The following CPNE4 variants were observed in gnomAD, a reference collection of about 807,000 sequenced individuals.
CPNE4 encodes the protein copine-4.
Under a neutral mutation model 67.9 loss-of-function variants are expected in CPNE4, and 25 were observed. The ratio of observed to expected loss-of-function variants is 0.37; its 90% CI spans 0.27 to 0.51. CPNE4 has a LOEUF of 0.51. CPNE4 is among the 20% of genes least tolerant of loss of function. The probability of loss-of-function intolerance (pLI) is 0.93; values close to 1 mark genes in which losing one functional copy is unlikely to be tolerated. For missense variants in CPNE4, 464 were observed against 690.8 expected (o/e 0.67, Z 3.68); for synonymous variants, 242 against 244.9 (o/e 0.99, Z 0.11).
At chr3:131,717,979 C>A (rs1182728093) in intron 3 of CPNE4, among the ~76,000 whole-genome samples, 1 of 143,492 alleles carries the variant, frequency 7.0e-6, no homozygotes, top group Non-Finnish European at 1.5e-5. Flanking sequence ...CTCTCTCTGT[C>A]TCTCTCTCTC....
chr3:131,555,686 T>C lies in CPNE4; in HGVS notation c.1062-135A>G. On this transcript the variant is annotated intron_variant, in intron 11 of 15. Coordinates refer to ENST00000429747, the MANE Select transcript of CPNE4 (RefSeq NM_130808.3). ...GCCAGTGCTGACTCATGCTTCTTGATTGTCTGTGGTGATGGGGGTAGCAAT... is the reference window on the plus strand; with the variant it reads ...GCCAGTGCTGACTCATGCTTCTTGACTGTCTGTGGTGATGGGGGTAGCAAT... The C allele has an allele frequency of 4.3e-6, 3 of 705,262 alleles. No individual in the cohort carries two copies. In the Admixed American group the frequency reaches 6.8e-5, roughly 16 times the overall value. 43.7% of individuals were successfully genotyped at this position (705,262 alleles called of 1,614,324 possible).
At chr3:131,798,286 C>G (rs1022160316) in intron 2 of CPNE4, among the ~76,000 whole-genome samples, 7 of 152,084 alleles carry the variant, frequency 4.6e-5, no homozygotes, top group African/African-American at 1.7e-4. Context: ...GAAATGAACA[C>G]TCTTCAGAGG....
chr3:131,564,405 A>G, intron 10 of CPNE4, 56 bp from the exon 11 acceptor site: 1 of 1,550,522 alleles, frequency 6.4e-7, no homozygotes, highest in Non-Finnish European at 8.8e-7. Flanking sequence ...TCTCCTAAGA[A>G]TTGTGATCAG....
chr3:132,028,460 A>G (rs963155583), intron 1 of CPNE4, among the ~76,000 whole-genome samples: 5 of 152,172 alleles, frequency 3.3e-5, no homozygotes, highest in African/African-American at 1.2e-4. Context: ...AAATGCTGTG[A>G]CCAATTATTA....
chr3:131,843,644 T>C (rs555715090), intron 2 of CPNE4, among the ~76,000 whole-genome samples: 1 of 152,348 alleles, frequency 6.6e-6, no homozygotes, highest in East Asian at 1.9e-4. Flanking sequence ...TTTGAAATTG[T>C]CCTAGTTCCA....
At chr3:132,036,298 T>C (rs1275217609), upstream of CPNE4, among the ~76,000 whole-genome samples, 3 of 152,134 alleles carry the variant, frequency 2.0e-5, no homozygotes, top group Admixed American at 6.5e-5. Context: ...AAGTCAATCG[T>C]TGTGACCTTT....
intron 2 of CPNE4, among the ~76,000 whole-genome samples, chr3:131,885,631 G>A (rs1245825763): frequency 6.6e-6 from 1 of 151,878 alleles, no homozygotes; most frequent in Non-Finnish European, 1.5e-5. Context: ...ATGCTGGTGT[G>A]CTGCACCCAC....
At chr3:132,006,655 A>ATTTTTTT (rs113475309) in intron 1 of CPNE4, among the ~76,000 whole-genome samples, 7 of 149,592 alleles carry the variant, frequency 4.7e-5, no homozygotes, top group African/African-American at 1.5e-4. Flanking sequence ...CTTTCTTTCC[A>ATTTTTTT]TTTTTTTTTG....
Position 131,993,575 on chromosome 3 carries a change from A to G in CPNE4, c.-2+40992T>C, listed in dbSNP as rs916929718. Reference sequence around the variant, plus strand: ...GGGTTCTGCATAAGACCAACATCCTAAAGTGCAGCAGAAGCAGAATCAAAG... The same window carrying G: ...GGGTTCTGCATAAGACCAACATCCTGAAGTGCAGCAGAAGCAGAATCAAAG... On this transcript the variant is annotated intron_variant, in intron 1 of 15. Transcript: ENST00000429747. Among the ~76,000 whole-genome samples the G allele has an allele frequency of 2.2e-5, 3 of 133,800 alleles. 1 individual carries two copies. The highest frequency in any genetic ancestry group is 5.1e-5 in the Non-Finnish European group (3 of 59,232). The allele number at this position is 133,800 out of a possible 152,430, so 87.8% of individuals were successfully genotyped here. A position where few individuals can be genotyped will look rare whatever the true frequency, so the allele number is the denominator to read the frequency against.
rs115235189 is a variant in CPNE4 at position 131,873,864 on chromosome 3, C to G, written c.180+31400G>C. ...CCTCTTTCACTACCTGTCCTCTTGT[C>G]TCCTTTCTCAGGCCATTCCTGAGAG... On this transcript the variant is annotated intron_variant, in intron 2 of 15. Coordinates refer to ENST00000429747, the MANE Select transcript of CPNE4 (RefSeq NM_130808.3). 4.9e-3 allele frequency among the ~76,000 whole-genome samples: 744 copies of G among 152,244 alleles called. 16 individuals carry two copies. In the East Asian group the frequency reaches 0.057, roughly 12 times the overall value.
intron 6 of CPNE4, among the ~76,000 whole-genome samples, chr3:131,684,677 C>A (rs1252018895): frequency 2.6e-5 from 4 of 152,126 alleles, no homozygotes; most frequent in Non-Finnish European, 5.9e-5. Flanking sequence ...ATGGGGGTTT[C>A]TTTTTTATTT....
At chr3:131,801,266 T>A (rs957888578) in intron 2 of CPNE4, among the ~76,000 whole-genome samples, 1 of 150,156 alleles carries the variant, frequency 6.7e-6, no homozygotes, top group Non-Finnish European at 1.5e-5. Context: ...CAGATTGAAA[T>A]AGGGTCCGCT....
chr3:131,679,486 A>G (rs9828015), intron 6 of CPNE4, among the ~76,000 whole-genome samples: 138,504 of 152,114 alleles, frequency 0.91, 63,284 homozygotes, highest in African/African-American at 0.98. Flanking sequence ...GATTTGTTTG[A>G]TCTTGGTTCT....
At chr3:132,015,038 ATTTAT>A (rs1254780601) in intron 1 of CPNE4, among the ~76,000 whole-genome samples, 11 of 152,298 alleles carry the variant, frequency 7.2e-5, no homozygotes, top group African/African-American at 2.6e-4. Context: ...CAAATATATA[ATTTAT>A]TTATCATTGC....
At chr3:131,739,750 C>T (rs1278985609) in intron 2 of CPNE4, among the ~76,000 whole-genome samples, 2 of 152,196 alleles carry the variant, frequency 1.3e-5, no homozygotes, top group Non-Finnish European at 2.9e-5. Flanking sequence ...AAGGTAGATA[C>T]AATCAATATC....
intron 1 of CPNE4, among the ~76,000 whole-genome samples, chr3:132,024,321 T>C (rs2074069209): frequency 6.6e-6 from 1 of 152,124 alleles, no homozygotes; most frequent in South Asian, 2.1e-4. Context: ...TGACCTCAAG[T>C]GATCTGCCCA....
At position 132,030,060 on chromosome 3, in the gene CPNE4, G is replaced by T. The variant is rs375067426; in HGVS notation, c.-2+4507C>A. ...AATATTGCACTGGCTCCAAGAGACAGCAATGTAATAAGTCCCAAGCCTACT... is the reference window on the plus strand; with the variant it reads ...AATATTGCACTGGCTCCAAGAGACATCAATGTAATAAGTCCCAAGCCTACT... On this transcript the variant is annotated intron_variant, in intron 1 of 15. Coordinates refer to ENST00000429747, the MANE Select transcript of CPNE4 (RefSeq NM_130808.3). Among the ~76,000 whole-genome samples, 39 of 150,508 alleles carry T rather than the reference G, an allele frequency of 2.6e-4. No individual in the cohort carries two copies. The South Asian group carries it at 2.8e-3, about 11-fold the overall frequency.
intron 1 of CPNE4, among the ~76,000 whole-genome samples, chr3:131,942,486 G>C (rs1442529434): frequency 3.5e-5 from 4 of 114,918 alleles, no homozygotes; most frequent in Admixed American, 1.6e-4. Context: ...GAGAGAGAGA[G>C]AGAGAGAGAG....
At chr3:131,877,104 A>T (rs2087492094) in intron 2 of CPNE4, among the ~76,000 whole-genome samples, 1 of 151,434 alleles carries the variant, frequency 6.6e-6, no homozygotes, top group Non-Finnish European at 1.5e-5. Context: ...CCTCTTTTGC[A>T]TCTAGTAGTA....
Sources: gnomAD v4.1 joint callset for allele counts (sites outside exome capture counted in the v4.1 genomes callset) on GRCh38, gnomAD v4.1.1 for gene constraint, MANE v1.5 for transcripts, NCBI Gene and HGNC (gene_info 2026-07-23, HGNC 2026-07-21) for gene names.